Variants in MAML2 observed in about 807,000 individuals in gnomAD.
MAML2 encodes the protein mastermind like transcriptional coactivator 2, also known as mastermind-like protein 2.
In MAML2, 22 loss-of-function variants were observed where a neutral mutation model predicts 96.1. The ratio of observed to expected loss-of-function variants is 0.23; its 90% CI spans 0.16 to 0.33. The LOEUF (loss-of-function observed/expected upper bound fraction) is 0.33. Ranked by LOEUF, MAML2 falls within the 10% of genes least tolerant of loss-of-function variation. The pLI, the probability that MAML2 is intolerant of heterozygous loss-of-function variation, is 1.00. For missense variants in MAML2, 1,367 were observed against 1,392.4 expected, an observed-to-expected ratio of 0.98 and a Z score of 0.29; for synonymous variants, 561 against 521.3, an observed-to-expected ratio of 1.08 and a Z score of -1.04.
At chr11:96,252,051 C>A (rs1384290360) in intron 1 of MAML2, among the ~76,000 whole-genome samples, 1 of 152,112 alleles carries the variant, frequency 6.6e-6, no homozygotes, top group Non-Finnish European at 1.5e-5. Flanking sequence ...CCTTTCAACA[C>A]CAGACGGAGT....
intron 2 of MAML2, among the ~76,000 whole-genome samples, chr11:96,001,258 C>T (rs1041454868): frequency 6.6e-6 from 1 of 152,140 alleles, no homozygotes; most frequent in African/African-American, 2.4e-5. Flanking sequence ...AGTGAGAAAG[C>T]AGCCTTCAGT....
At chr11:96,151,498 T>A (rs532067638) in intron 1 of MAML2, among the ~76,000 whole-genome samples, 1 of 152,336 alleles carries the variant, frequency 6.6e-6, no homozygotes, top group South Asian at 2.1e-4. Context: ...CCAAATCTCA[T>A]GTTCAGTTGT....
rs138653380 is a variant in MAML2, at chr11:96,006,993, G to T, written c.2140-15270C>A. 4.2e-3 allele frequency among the ~76,000 whole-genome samples: 631 copies of T among 149,528 alleles called. 6 individuals carry two copies. In the South Asian group the frequency reaches 0.043, roughly 10 times the overall value. On this transcript the variant is annotated intron_variant, in intron 2 of 4. Coordinates refer to ENST00000524717, the MANE Select transcript of MAML2 (RefSeq NM_032427.4). ...GACTAGTAAGCCTAAATTATTTCTA[G>T]ATATCAATCTTTTTTTTTATTATTT...
intron 1 of MAML2, among the ~76,000 whole-genome samples, chr11:96,101,247 A>T (rs1406171296): frequency 6.6e-6 from 1 of 152,218 alleles, no homozygotes; most frequent in Middle Eastern, 3.2e-3. Context: ...CTTGTGGAAG[A>T]GTAACTCAAC....
At chr11:96,195,628 C>T (rs1049148765) in intron 1 of MAML2, among the ~76,000 whole-genome samples, 4 of 152,168 alleles carry the variant, frequency 2.6e-5, no homozygotes, top group African/African-American at 4.8e-5. Flanking sequence ...GCATGATATA[C>T]TATGATCCAA....
intron 2 of MAML2, among the ~76,000 whole-genome samples, chr11:96,085,580 C>A (rs548438714): frequency 6.6e-6 from 1 of 152,306 alleles, no homozygotes; most frequent in South Asian, 2.1e-4. Flanking sequence ...TTTCCATTAA[C>A]CCTCTTGCAT....
At chr11:96,134,193 C>A (rs1291694865) in intron 1 of MAML2, among the ~76,000 whole-genome samples, 1 of 152,160 alleles carries the variant, frequency 6.6e-6, no homozygotes, top group African/African-American at 2.4e-5. Flanking sequence ...TGGCAGGACA[C>A]AGGACTCTAT....
chr11:96,179,089 G>A (rs1437068585), intron 1 of MAML2, among the ~76,000 whole-genome samples: 1 of 152,084 alleles, frequency 6.6e-6, no homozygotes, highest in Non-Finnish European at 1.5e-5. Flanking sequence ...TGTCTGTCAA[G>A]TCTGAATTAT....
intron 1 of MAML2, among the ~76,000 whole-genome samples, chr11:96,180,936 G>A (rs1489186491): frequency 2.6e-5 from 4 of 151,492 alleles, no homozygotes; most frequent in Non-Finnish European, 4.4e-5. Context: ...GGTAGGAGTG[G>A]GGGTCACAAG....
chr11:96,189,614 A>G (rs982170017), intron 1 of MAML2, among the ~76,000 whole-genome samples: 6 of 152,242 alleles, frequency 3.9e-5, no homozygotes, highest in African/African-American at 1.4e-4. Context: ...TTACTCATTC[A>G]TGTCATGTTT....
intron 1 of MAML2, among the ~76,000 whole-genome samples, chr11:96,259,899 T>TA (rs894173944): frequency 2.6e-5 from 4 of 151,866 alleles, no homozygotes; most frequent in African/African-American, 7.3e-5. Flanking sequence ...AAGGTTACCT[T>TA]AAAAAAAGCC....
At chr11:96,320,333 T>C (rs1341464393) in intron 1 of MAML2, among the ~76,000 whole-genome samples, 1 of 152,188 alleles carries the variant, frequency 6.6e-6, no homozygotes, top group African/African-American at 2.4e-5. Flanking sequence ...TCATTAGACA[T>C]GAAACTACTC....
At chr11:96,000,841 T>C (rs918399686) in intron 2 of MAML2, among the ~76,000 whole-genome samples, 4 of 152,112 alleles carry the variant, frequency 2.6e-5, no homozygotes, top group African/African-American at 4.8e-5. Context: ...TAAGAAGAAA[T>C]AAACAGAACA....
rs997791543 is a variant in MAML2 at position 96,008,750 on chromosome 11, A to G, written c.2140-17027T>C. ...TCAGTCAACTATTTGCTTCATGTAC[A>G]TGTTGCCAAATAATTGGCCTAAAAA... is the stretch of plus-strand genomic sequence containing the variant. On this transcript the variant is annotated intron_variant, in intron 2 of 4. Transcript: ENST00000524717. 2.6e-5 allele frequency among the ~76,000 whole-genome samples: 4 copies of G among 152,230 alleles called. No individual in the cohort carries two copies. In the East Asian group the frequency reaches 7.7e-4, roughly 29 times the overall value.
rs371920186 is a variant in MAML2, at chr11:96,288,837, T to G, written c.513+52546A>C. On this transcript the variant is annotated intron_variant, in intron 1 of 4. Coordinates refer to ENST00000524717, the MANE Select transcript of MAML2 (RefSeq NM_032427.4). Reference sequence around the variant, plus strand: ...ACATTAAATTAAGGTAATTCTGGAATGATGATACCTAAACACAGAATCACA... The same window carrying G: ...ACATTAAATTAAGGTAATTCTGGAAGGATGATACCTAAACACAGAATCACA... Among the ~76,000 whole-genome samples the G allele has an allele frequency of 6.6e-5, 10 of 152,224 alleles. No homozygotes were observed. The East Asian group carries it at 1.5e-3, about 23-fold the overall frequency.
At chr11:96,220,784 C>G (rs1435617035) in intron 1 of MAML2, among the ~76,000 whole-genome samples, 1 of 151,970 alleles carries the variant, frequency 6.6e-6, no homozygotes, top group African/African-American at 2.4e-5. Flanking sequence ...TCCTCTGAAA[C>G]CTCTACTGGA....
chr11:96,093,625 A>C, intron 1 of MAML2, 108 bp from the exon 2 acceptor site: 2 of 869,602 alleles, frequency 2.3e-6, no homozygotes, highest in Non-Finnish European at 3.5e-6. Flanking sequence ...TACACACAAG[A>C]TTCAGTTTTT....
intron 1 of MAML2, among the ~76,000 whole-genome samples, chr11:96,163,650 C>G (rs1014133909): frequency 3.3e-5 from 5 of 152,192 alleles, no homozygotes; most frequent in African/African-American, 1.2e-4. Context: ...TATCTAGTCT[C>G]TCTCTACATT....
chr11:96,099,998 G>A (rs907119429), intron 1 of MAML2, among the ~76,000 whole-genome samples: 1 of 152,152 alleles, frequency 6.6e-6, no homozygotes, highest in Non-Finnish European at 1.5e-5. Flanking sequence ...CTGAGAACCG[G>A]AACTGTGAAG....
Sources: gnomAD v4.1 joint callset for allele counts (sites outside exome capture counted in the v4.1 genomes callset) on GRCh38, gnomAD v4.1.1 for gene constraint, MANE v1.5 for transcripts, NCBI Gene and HGNC (gene_info 2026-07-23, HGNC 2026-07-21) for gene names.